The following SHROOM4 variants were observed in gnomAD, a reference collection of about 807,000 sequenced individuals.
SHROOM4 encodes shroom family member 4.
In SHROOM4, 17 loss-of-function variants were observed where a neutral mutation model predicts 80.3. The ratio of observed to expected loss-of-function variants is 0.21; its 90% CI spans 0.14 to 0.32. SHROOM4 has a LOEUF of 0.32. SHROOM4 is among the 10% of genes least tolerant of loss of function. The pLI, the probability that SHROOM4 is intolerant of heterozygous loss-of-function variation, is 1.00. For missense variants in SHROOM4, 993 were observed against 1,140.3 expected (o/e 0.87, Z 1.86); for synonymous variants, 400 against 437.5 (o/e 0.91, Z 1.07).
intron 1 of SHROOM4, among the ~76,000 whole-genome samples, chrX:50,717,835 A>G (rs1391427908): frequency 1.8e-5 from 2 of 112,073 alleles, no homozygotes; most frequent in African/African-American, 6.5e-5. Context: ...TCTCAGTTCC[A>G]TTAAACATTC....
intron 1 of SHROOM4, among the ~76,000 whole-genome samples, chrX:50,716,708 T>C (rs1557264873): frequency 2.7e-5 from 3 of 111,998 alleles, no homozygotes; most frequent in Non-Finnish European, 5.6e-5. Context: ...GAATCTACCC[T>C]ATTGTTTTCC....
At chrX:50,577,361 G>A in the SHROOM4 span, among the ~76,000 whole-genome samples, 1 of 112,421 alleles carries the variant, frequency 8.9e-6, no homozygotes, top group Non-Finnish European at 1.9e-5. Flanking sequence ...CATATGAGAG[G>A]GTGCCTCTGA....
At position 50,587,580 on chromosome X, in the gene SHROOM4, T is replaced by C. The variant is rs1312662713; in HGVS notation, c.*9115A>G. Among the ~76,000 whole-genome samples the C allele has an allele frequency of 2.7e-5, 3 of 112,094 alleles. No individual in the cohort carries two copies. Among genetic ancestry groups the C allele is most frequent in the Non-Finnish European group, 3.8e-5 (2 of 53,153 alleles). On this transcript the variant is annotated 3_prime_UTR_variant, in exon 9 of 9. Transcript: ENST00000376020. ...AATGTTTCGCATTGCCATACCAGGG[T>C]AAAAAGTGATTGTGTGTATATTTCT...
intron 2 of SHROOM4, among the ~76,000 whole-genome samples, chrX:50,680,510 A>G (rs1932918575): frequency 9.0e-6 from 1 of 111,306 alleles, no homozygotes; most frequent in Non-Finnish European, 1.9e-5. Flanking sequence ...CTCTCTAGAC[A>G]TATAAATTAA....
intron 1 of SHROOM4, among the ~76,000 whole-genome samples, chrX:50,725,225 C>T (rs1261090354): frequency 3.6e-5 from 4 of 112,201 alleles, no homozygotes; most frequent in African/African-American, 1.3e-4. Flanking sequence ...CCACTGGCAC[C>T]TCTTATCCTC....
At chrX:50,766,363 C>T (rs1935277493) in intron 1 of SHROOM4, among the ~76,000 whole-genome samples, 1 of 111,259 alleles carries the variant, frequency 9.0e-6, no homozygotes, top group African/African-American at 3.3e-5. Context: ...CACACACACA[C>T]ACAGGATCAC....
At chrX:50,688,921 T>C (rs1374486955) in intron 2 of SHROOM4, among the ~76,000 whole-genome samples, 1 of 111,345 alleles carries the variant, frequency 9.0e-6, no homozygotes, top group Non-Finnish European at 1.9e-5. Flanking sequence ...ATTATGATTA[T>C]GGATATTTGA....
At chrX:50,750,541 C>T (rs1934893391) in intron 1 of SHROOM4, among the ~76,000 whole-genome samples, 1 of 112,164 alleles carries the variant, frequency 8.9e-6, no homozygotes, top group Non-Finnish European at 1.9e-5. Context: ...GGATTACAGG[C>T]GTGAGCCACT....
At chrX:50,585,161 G>A (rs1016264379), downstream of SHROOM4, among the ~76,000 whole-genome samples, 1 of 111,549 alleles carries the variant, frequency 9.0e-6, no homozygotes, top group Non-Finnish European at 1.9e-5. Flanking sequence ...TATGAGCTTG[G>A]GGCACTGTGC....
chrX:50,706,923 C>G (rs1345626676), intron 1 of SHROOM4, among the ~76,000 whole-genome samples: 2 of 111,554 alleles, frequency 1.8e-5, no homozygotes, highest in Non-Finnish European at 3.8e-5. Flanking sequence ...TTAACATTCT[C>G]TGCCTTAGGA....
chrX:50,759,412 T>C (rs1935103148), intron 1 of SHROOM4, among the ~76,000 whole-genome samples: 1 of 111,650 alleles, frequency 9.0e-6, no homozygotes, highest in African/African-American at 3.3e-5. Context: ...TGTGAGAAAA[T>C]TGATTTCTGT....
In SHROOM4 at chrX:50,791,406, C is replaced by G. The variant is rs188564922; in HGVS notation, c.117+22496G>C. ...GATCTAGAATCAATGTAATCCCTAT[C>G]AAAATCTTAATGGCATTTTTTTTTT... is the stretch of plus-strand genomic sequence containing the variant. On this transcript the variant is annotated intron_variant, in intron 1 of 8. Transcript: ENST00000376020. Among the ~76,000 whole-genome samples the G allele has an allele frequency of 2.8e-5, 3 of 108,435 alleles. No individual in the cohort carries two copies. In the East Asian group the frequency reaches 8.7e-4, roughly 31 times the overall value. 94.2% of individuals were successfully genotyped at this position (108,435 alleles called of 115,157 possible).
At chrX:50,602,599 C>A (rs1557247827) in intron 7 of SHROOM4, 34 bp downstream of exon 7, 1 of 1,196,388 alleles carries the variant, frequency 8.4e-7, no homozygotes, top group East Asian at 3.0e-5. Flanking sequence ...AAGCTAAATT[C>A]TGAAAATCTC....
chrX:50,762,001 G>A (rs1306320846), intron 1 of SHROOM4, among the ~76,000 whole-genome samples: 2 of 111,400 alleles, frequency 1.8e-5, no homozygotes, highest in Non-Finnish European at 3.8e-5. Context: ...TTCTACTTCA[G>A]TTTTATACTA....
At chrX:50,704,714 G>A (rs952638445) in intron 1 of SHROOM4, among the ~76,000 whole-genome samples, 7 of 111,692 alleles carry the variant, frequency 6.3e-5, no homozygotes, top group Admixed American at 2.9e-4. Flanking sequence ...CTGCTTTGCT[G>A]CCTGAAAACC....
intron 1 of SHROOM4, among the ~76,000 whole-genome samples, chrX:50,781,886 A>G (rs1557270695): frequency 9.0e-6 from 1 of 111,503 alleles, no homozygotes; most frequent in African/African-American, 3.3e-5. Context: ...AGATCTTCAT[A>G]TGAAAGGCTT....
chrX:50,679,040 G>C (rs933550630), intron 2 of SHROOM4, among the ~76,000 whole-genome samples: 18 of 111,152 alleles, frequency 1.6e-4, no homozygotes, highest in Non-Finnish European at 3.2e-4. Flanking sequence ...CAACTAAAAT[G>C]CAAGAATATT....
intron 1 of SHROOM4, among the ~76,000 whole-genome samples, chrX:50,804,354 T>C (rs1379461245): frequency 5.4e-5 from 6 of 111,571 alleles, no homozygotes; most frequent in African/African-American, 2.0e-4. Flanking sequence ...TTACCTTGAT[T>C]TGAGATTTAA....
chrX:50,584,519 C>G (rs1327699845), downstream of SHROOM4, among the ~76,000 whole-genome samples: 1 of 111,588 alleles, frequency 9.0e-6, no homozygotes, highest in Non-Finnish European at 1.9e-5. Flanking sequence ...ACCCTGGCTA[C>G]AGCATGAACA....
Sources: gnomAD v4.1 joint callset for allele counts (sites outside exome capture counted in the v4.1 genomes callset) on GRCh38, gnomAD v4.1.1 for gene constraint, MANE v1.5 for transcripts, NCBI Gene and HGNC (gene_info 2026-07-23, HGNC 2026-07-21) for gene names.